NAPB: variants seen among roughly 807,000 people sequenced by gnomAD.
NAPB encodes the protein beta-soluble NSF attachment protein.
Under a neutral mutation model 44.7 loss-of-function variants are expected in NAPB, and 26 were observed. That is an observed-to-expected ratio of 0.58 (90% confidence interval 0.43 to 0.81). NAPB has a LOEUF of 0.81. Ranked by LOEUF, NAPB falls within the 30% of genes least tolerant of loss-of-function variation. The pLI, the probability that NAPB is intolerant of heterozygous loss-of-function variation, is 0.00. For synonymous variants in NAPB, 120 were observed against 116.8 expected, an observed-to-expected ratio of 1.03 and a Z score of -0.18; for missense variants, 315 against 356.4, an observed-to-expected ratio of 0.88 and a Z score of 0.94.
Position 23,397,085 on chromosome 20 carries a change from C to T in NAPB, c.282G>A (p.Lys94=), listed in dbSNP as rs910651931. ...SFVDAGNAYK[K]ADPQEAINCL... Reference sequence around the variant, plus strand: ...TGGCTGTCTTACCTTGGGGATCTGCCTTTTTGTAAGCATTTCCAGCATCCA... The same window carrying T: ...TGGCTGTCTTACCTTGGGGATCTGCTTTTTTGTAAGCATTTCCAGCATCCA... Residue 94 remains lysine, a synonymous_variant, in exon 3 of 11, where the codon AAG becomes AAA. Coordinates refer to ENST00000377026, the MANE Select transcript of NAPB (RefSeq NM_022080.3). 14 of 1,613,008 alleles carry T rather than the reference C, an allele frequency of 8.7e-6. No homozygotes were observed. The East Asian group carries it at 3.1e-4, about 36-fold the overall frequency.
chr20:23,385,215 T>A (rs1284553754), intron 7 of NAPB, among the ~76,000 whole-genome samples: 1 of 151,920 alleles, frequency 6.6e-6, no homozygotes, highest in African/African-American at 2.4e-5. Flanking sequence ...TGGACAAACA[T>A]ATCATATAAA....
rs1485572004 is a variant in NAPB, at chr20:23,376,738, A to G, written c.*638T>C. The stretch of plus-strand genomic sequence containing the variant: ...ATCAAATTCACTTTGACACTCATCC[A>G]TACATGAAGCAAGTACTTCCAGAAA... On this transcript the variant is annotated 3_prime_UTR_variant, in exon 11 of 11. Coordinates refer to ENST00000377026, the MANE Select transcript of NAPB (RefSeq NM_022080.3). 6.6e-6 allele frequency: 1 copy of G among 152,198 alleles called. No individual in the cohort carries two copies. Among genetic ancestry groups the G allele is most frequent in the Non-Finnish European group, 1.5e-5 (1 of 68,030 alleles). The allele number at this position is 152,198 out of a possible 1,614,324, so 9.4% of individuals were successfully genotyped here.
At chr20:23,387,216 A>G (rs1983595155) in intron 7 of NAPB, among the ~76,000 whole-genome samples, 1 of 152,186 alleles carries the variant, frequency 6.6e-6, no homozygotes. Context: ...ACAAACTAGG[A>G]AGAGAGGGGA....
At chr20:23,379,595 C>G in intron 9 of NAPB, 100 bp from the exon 10 acceptor site, 1 of 927,234 alleles carries the variant, frequency 1.1e-6, no homozygotes, top group South Asian at 1.6e-5. Flanking sequence ...AAATATTGCA[C>G]AAAACTGAGG....
intron 5 of NAPB, among the ~76,000 whole-genome samples, chr20:23,393,317 AG>A (rs746179281): frequency 6.6e-6 from 1 of 152,170 alleles, no homozygotes; most frequent in African/African-American, 2.4e-5. Flanking sequence ...TAAAAAAAAA[AG>A]GTCAAATAAT....
chr20:23,379,536 T>A, intron 9 of NAPB, 41 bp from the exon 10 acceptor site: 1 of 1,426,184 alleles, frequency 7.0e-7, no homozygotes. Context: ...TTCTGTAAGA[T>A]GAAGTCCCAT....
rs190344878 is a variant in NAPB, at chr20:23,387,775, G to A, written c.561+2171C>T. On this transcript the variant is annotated intron_variant, in intron 7 of 10. Transcript: ENST00000377026. ...AATATAAAAGGAACCTGTATTCATC[G>A]ACTGTCAGACTTAGTATTGTTAAGA... Among the ~76,000 whole-genome samples, 178 of 152,188 alleles carry A rather than the reference G, an allele frequency of 1.2e-3. 1 individual carries two copies. Among genetic ancestry groups the A allele is most frequent in the South Asian group, 4.1e-4 (2 of 4,826 alleles).
At chr20:23,396,625 T>C (rs911648829) in intron 3 of NAPB, 2 of 152,240 alleles carry the variant, frequency 1.3e-5, no homozygotes, top group African/African-American at 4.8e-5. Context: ...GAATACTGTA[T>C]GAATCAGACT....
At chr20:23,421,083 T>C (rs1986385500) in intron 1 of NAPB, among the ~76,000 whole-genome samples, 2 of 150,004 alleles carry the variant, frequency 1.3e-5, no homozygotes, top group African/African-American at 4.9e-5. Context: ...GTGGGGTCTC[T>C]GGAGGGCGCG....
At chr20:23,409,558 A>C (rs1985506086) in intron 1 of NAPB, among the ~76,000 whole-genome samples, 1 of 152,252 alleles carries the variant, frequency 6.6e-6, no homozygotes, top group Non-Finnish European at 1.5e-5. Context: ...ATTAATTCAG[A>C]AATGACTGTT....
intron 1 of NAPB, among the ~76,000 whole-genome samples, chr20:23,420,949 G>A (rs56094936): frequency 0.075 from 11,304 of 151,166 alleles, 634 homozygotes; most frequent in East Asian, 0.29. Context: ...TAGGGGATCC[G>A]GAGAGCGTGT....
At chr20:23,379,369 A>G in intron 10 of NAPB, 76 bp downstream of exon 10, 1 of 1,141,290 alleles carries the variant, frequency 8.8e-7, no homozygotes, top group Non-Finnish European at 1.3e-6. Flanking sequence ...TTTAGAATTC[A>G]CATAATGAAA....
intron 2 of NAPB, among the ~76,000 whole-genome samples, chr20:23,399,830 C>T (rs906442574): frequency 6.6e-6 from 1 of 152,342 alleles, no homozygotes; most frequent in East Asian, 1.9e-4. Flanking sequence ...GCTTGGACTT[C>T]GCAAGTAAAG....
At chr20:23,385,109 ACT>A (rs1221156761) in intron 7 of NAPB, among the ~76,000 whole-genome samples, 2 of 148,460 alleles carry the variant, frequency 1.3e-5, no homozygotes, top group Non-Finnish European at 3.0e-5. Context: ...ACAGAGCAAG[ACT>A]CTGTCTCAAA....
Position 23,390,101 on chromosome 20 carries a change from G to A in NAPB, c.477-71C>T, listed in dbSNP as rs545033713. 9 of 1,540,002 alleles carry A rather than the reference G, an allele frequency of 5.8e-6. No individual in the cohort carries two copies. In the Admixed American group the frequency reaches 1.2e-4, roughly 20 times the overall value. ...AATAAAAGATGTGCACTGGGCCTCA[G>A]TACATCTTCATTTGGTATAGTCAAA... On this transcript the variant is annotated intron_variant, in intron 6 of 10. Coordinates refer to ENST00000377026, the MANE Select transcript of NAPB (RefSeq NM_022080.3).
In NAPB at chr20:23,412,025, C is replaced by A. The variant is rs565594198; in HGVS notation, c.99-8953G>T. The stretch of plus-strand genomic sequence containing the variant: ...AAATAAAGAGATGGTCAAAAGTATA[C>A]CAAACAAATCAAGCAGCTCTCATTA... On this transcript the variant is annotated intron_variant, in intron 1 of 10. Coordinates refer to ENST00000377026, the MANE Select transcript of NAPB (RefSeq NM_022080.3). 9.7e-4 allele frequency among the ~76,000 whole-genome samples: 147 copies of A among 152,234 alleles called. 1 individual carries two copies. The highest frequency in any genetic ancestry group is 3.4e-3 in the African/African-American group (142 of 41,552).
At chr20:23,400,409 C>T (rs945291936) in intron 2 of NAPB, among the ~76,000 whole-genome samples, 11 of 151,950 alleles carry the variant, frequency 7.2e-5, no homozygotes, top group Admixed American at 3.3e-4. Context: ...CCAGCTACTC[C>T]GGAGGCTGAG....
Position 23,414,311 on chromosome 20 carries a change from G to A in NAPB, c.98+6994C>T, listed in dbSNP as rs530014981. 2.6e-5 allele frequency among the ~76,000 whole-genome samples: 4 copies of A among 152,234 alleles called. No individual in the cohort carries two copies. In the East Asian group the frequency reaches 7.7e-4, roughly 29 times the overall value. ...CACTCCAGCCTGGTCAACAAAGTGA[G>A]ACCCTGTCGCAAAAAAATAAACAAA... On this transcript the variant is annotated intron_variant, in intron 1 of 10. Transcript: ENST00000377026.
intron 1 of NAPB, among the ~76,000 whole-genome samples, chr20:23,405,636 A>C (rs1000373254): frequency 1.3e-5 from 2 of 152,178 alleles, no homozygotes; most frequent in African/African-American, 2.4e-5. Flanking sequence ...AGGCAGGAGA[A>C]TCACTTGAAC....
Sources: gnomAD v4.1 joint callset for allele counts (sites outside exome capture counted in the v4.1 genomes callset) on GRCh38, gnomAD v4.1.1 for gene constraint, MANE v1.5 for transcripts, NCBI Gene and HGNC (gene_info 2026-07-23, HGNC 2026-07-21) for gene names.